The following PCDHA1 variants were observed in gnomAD, a reference collection of about 807,000 sequenced individuals.
PCDHA1 encodes protocadherin alpha 1.
In PCDHA1, 42 loss-of-function variants were observed where a neutral mutation model predicts 61.3. The ratio of observed to expected loss-of-function variants is 0.69; its 90% confidence interval spans 0.54 to 0.89. The LOEUF (loss-of-function observed/expected upper bound fraction) is 0.89. PCDHA1 is among the 40% of genes least tolerant of loss of function. The pLI, the probability that PCDHA1 is intolerant of heterozygous loss-of-function variation, is 0.00. For synonymous variants in PCDHA1, 610 were observed against 553.8 expected (o/e 1.10, Z -1.43); for missense variants, 1,256 against 1,235.3 (o/e 1.02, Z -0.25).
At chr5:140,884,317 G>C (rs1401667312) in intron 1 of PCDHA1, 15 of 1,613,780 alleles carry the variant, frequency 9.3e-6, no homozygotes, top group Non-Finnish European at 1.3e-5. Context: ...CGAGGGCGTC[G>C]GCAGGCGCTG....
chr5:140,946,611 AATAT>A (rs1554217734), intron 1 of PCDHA1, among the ~76,000 whole-genome samples: 10 of 86,794 alleles, frequency 1.2e-4, no homozygotes, highest in Admixed American at 4.7e-4. Flanking sequence ...GAAAATGTGA[AATAT>A]ATATATATAT....
Position 140,822,061 on chromosome 5 carries a change from C to G in PCDHA1, c.2394+33377C>G, listed in dbSNP as rs2150113317. The G allele has an allele frequency of 1.9e-6, 3 of 1,614,168 alleles. No individual in the cohort carries two copies. The highest frequency in any genetic ancestry group is 2.2e-5 in the East Asian group (1 of 44,886). On this transcript the variant is annotated intron_variant, in intron 1 of 3. Coordinates refer to ENST00000504120, the MANE Select transcript of PCDHA1 (RefSeq NM_018900.4). Reference sequence around the variant, plus strand: ...TCGGATCGACCGGGAGGAGCTGTGCCGGCGGAGGGCGGAGTGCAGCATCCA... The same window carrying G: ...TCGGATCGACCGGGAGGAGCTGTGCGGGCGGAGGGCGGAGTGCAGCATCCA...
At chr5:140,928,292 T>G in intron 1 of PCDHA1, 1 of 1,614,086 alleles carries the variant, frequency 6.2e-7, no homozygotes, top group Middle Eastern at 1.6e-4. Flanking sequence ...CTAGGCCGAG[T>G]GTTTGCCCAG....
chr5:140,798,198 G>A (rs1262520843), intron 1 of PCDHA1, among the ~76,000 whole-genome samples: 2 of 152,120 alleles, frequency 1.3e-5, no homozygotes, highest in African/African-American at 4.8e-5. Flanking sequence ...AAAGCAGCCT[G>A]AGTGGATATT....
At chr5:141,006,372 C>T (rs781874533) in intron 3 of PCDHA1, among the ~76,000 whole-genome samples, 10 of 151,926 alleles carry the variant, frequency 6.6e-5, no homozygotes, top group Non-Finnish European at 1.0e-4. Context: ...CCACCACGCC[C>T]GGCTAAGTTT....
At chr5:140,862,638 C>T (rs782579250) in intron 1 of PCDHA1, 2 of 539,918 alleles carry the variant, frequency 3.7e-6, no homozygotes, top group African/African-American at 1.9e-5. Flanking sequence ...GCCACGACTT[C>T]ACAGTGTCCG....
chr5:140,823,881 C>T (rs2150130058), intron 1 of PCDHA1: 1 of 1,613,970 alleles, frequency 6.2e-7, no homozygotes, highest in South Asian at 1.1e-5. Flanking sequence ...TGATCATCGC[C>T]ATCTGTGCGG....
chr5:140,929,234 G>A (rs781843995), intron 1 of PCDHA1: 1 of 1,613,838 alleles, frequency 6.2e-7, no homozygotes, highest in Non-Finnish European at 8.5e-7. Flanking sequence ...GCCGACCTGC[G>A]AAATCTTGCC....
chr5:140,795,826 A>T (rs782575162), intron 1 of PCDHA1: 1 of 1,613,750 alleles, frequency 6.2e-7, no homozygotes, highest in African/African-American at 1.3e-5. Flanking sequence ...TGTGTCCTCC[A>T]CTATACAGAC....
intron 1 of PCDHA1, among the ~76,000 whole-genome samples, chr5:140,799,441 G>A (rs1246188515): frequency 1.3e-5 from 2 of 152,042 alleles, no homozygotes; most frequent in Admixed American, 6.5e-5. Flanking sequence ...TAAAAATTCA[G>A]CAAAGTGGTA....
Position 140,801,824 on chromosome 5 carries a change from T to G in PCDHA1, c.2394+13140T>G, listed in dbSNP as rs781883611. On this transcript the variant is annotated intron_variant, in intron 1 of 3. Coordinates refer to ENST00000504120, the MANE Select transcript of PCDHA1 (RefSeq NM_018900.4). Reference sequence around the variant, plus strand: ...ATCGAGAGGACACTCCTAAGCATTATTTACTAATAACAGCAATTGATGGTG... The same window carrying G: ...ATCGAGAGGACACTCCTAAGCATTAGTTACTAATAACAGCAATTGATGGTG... The G allele has an allele frequency of 9.9e-6, 16 of 1,614,016 alleles. No homozygotes were observed. The East Asian group carries it at 3.6e-4, about 36-fold the overall frequency.
intron 1 of PCDHA1, chr5:140,796,151 A>G (rs781951812): frequency 2.5e-6 from 4 of 1,614,178 alleles, no homozygotes; most frequent in Non-Finnish European, 3.4e-6. Flanking sequence ...GTCCCTTTCA[A>G]GCTGGTGTCC....
intron 1 of PCDHA1, chr5:140,812,700 C>T (rs2126641059): frequency 2.0e-5 from 3 of 152,208 alleles, no homozygotes; most frequent in Non-Finnish European, 2.9e-5. Flanking sequence ...TGCAAGTGAT[C>T]CTTGTGCCTT....
rs1395413340 is a variant in PCDHA1 at position 140,844,044 on chromosome 5, A to G, written c.2394+55360A>G. ...GGGCATTTTGATCTTTGGTGAAAGT[A>G]TTCCCCCAAAGCGTTTATTCTTTTG... On this transcript the variant is annotated intron_variant, in intron 1 of 3. Coordinates refer to ENST00000504120, the MANE Select transcript of PCDHA1 (RefSeq NM_018900.4). 1.3e-5 allele frequency among the ~76,000 whole-genome samples: 2 copies of G among 149,664 alleles called. 1 individual carries two copies. The highest frequency in any genetic ancestry group is 4.9e-5 in the African/African-American group (2 of 40,852).
chr5:140,843,329 G>A, intron 1 of PCDHA1: 3 of 1,596,060 alleles, frequency 1.9e-6, no homozygotes, highest in Non-Finnish European at 2.6e-6. Flanking sequence ...GGTGTCGCTG[G>A]TGGAGAGCGG....
intron 1 of PCDHA1, chr5:140,882,902 C>T (rs1554176043): frequency 6.2e-7 from 1 of 1,614,196 alleles, no homozygotes; most frequent in Admixed American, 1.7e-5. Flanking sequence ...TAGTTTATTA[C>T]TGACAGCCAG....
At chr5:140,968,394 G>A (rs782388354) in intron 1 of PCDHA1, 3 of 1,613,942 alleles carry the variant, frequency 1.9e-6, no homozygotes, top group Admixed American at 3.3e-5. Context: ...GAGAAGTTTC[G>A]GGAGTTCTTT....
At chr5:140,911,158 G>A (rs1274383238) in intron 1 of PCDHA1, among the ~76,000 whole-genome samples, 1 of 152,162 alleles carries the variant, frequency 6.6e-6, no homozygotes, top group African/African-American at 2.4e-5. Context: ...TCAGACAAAT[G>A]TGGAAAGGCT....
rs1299546647 is a variant in PCDHA1 at position 140,935,314 on chromosome 5, A to T, written c.2395-43635A>T. 2.0e-5 allele frequency among the ~76,000 whole-genome samples: 3 copies of T among 152,208 alleles called. No homozygotes were observed. In the East Asian group the frequency reaches 5.8e-4, roughly 29 times the overall value. ...TCCGAGGTTTTTACTTAACTTCATC[A>T]ATCTTACATTCCTATTTCTCCCATA... On this transcript the variant is annotated intron_variant, in intron 1 of 3. Transcript: ENST00000504120.
Sources: allele counts gnomAD v4.1 joint callset (sites outside exome capture counted in the v4.1 genomes callset), GRCh38; gene constraint gnomAD v4.1.1; transcripts MANE v1.5; gene names NCBI Gene and HGNC (gene_info 2026-07-23, HGNC 2026-07-21).